The following DDX27 variants were observed in gnomAD, a reference collection of about 807,000 sequenced individuals.
DDX27 encodes DEAD-box helicase 27.
In DDX27, 42 loss-of-function variants were observed where a neutral mutation model predicts 99.3. That is an observed-to-expected ratio of 0.42 (90% CI 0.33 to 0.55). The LOEUF is 0.55. DDX27 is among the 20% of genes least tolerant of loss of function. The pLI, the probability that DDX27 is intolerant of heterozygous loss-of-function variation, is 0.07. For synonymous variants in DDX27, 329 were observed against 353.8 expected, an observed-to-expected ratio of 0.93 and a Z score of 0.79; for missense variants, 798 against 976.8, an observed-to-expected ratio of 0.82 and a Z score of 2.44.
intron 14 of DDX27, 109 bp from the exon 15 acceptor site, chr20:49,238,826 CCTCAAATTCCTGGG>C: frequency 3.5e-6 from 2 of 575,076 alleles, no homozygotes; most frequent in East Asian, 3.3e-5. Context: ...CCCAGGCTGG[CCTCAAATTCCTGGG>C]CTCAAGCAAT....
intron 9 of DDX27, among the ~76,000 whole-genome samples, chr20:49,230,667 C>T (rs1178159421): frequency 1.3e-5 from 2 of 152,202 alleles, no homozygotes; most frequent in African/African-American, 4.8e-5. Context: ...AGGACATACG[C>T]ACACCATAGT....
chr20:49,227,693 T>C (rs1258926130), intron 7 of DDX27, among the ~76,000 whole-genome samples: 2 of 152,000 alleles, frequency 1.3e-5, no homozygotes, highest in African/African-American at 4.8e-5. Flanking sequence ...TTTTGTAAGA[T>C]AAACAGTGCA....
At chr20:49,232,924 CAAAAAAA>C in intron 9 of DDX27, 1 of 116,696 alleles carries the variant, frequency 8.6e-6, no homozygotes, top group Non-Finnish European at 1.6e-5. Flanking sequence ...AACTCCATCT[CAAAAAAA>C]AAAAAAAAAA....
chr20:49,236,052 A>T lies in DDX27; in HGVS notation c.1428-98A>T. 2 of 1,234,270 alleles carry T rather than the reference A, an allele frequency of 1.6e-6. No homozygotes were observed. The highest frequency in any genetic ancestry group is 2.3e-6 in the Non-Finnish European group (2 of 884,072). 76.5% of individuals were successfully genotyped at this position (1,234,270 alleles called of 1,614,324 possible). A position where few individuals can be genotyped will look rare whatever the true frequency, so the allele number is the denominator to read the frequency against. ...GCCACCGTGCCCAGCCTCTATCCCC[A>T]TTTTAATGCCCTGTTCTGTCCTCTG... is the stretch of plus-strand genomic sequence containing the variant. On this transcript the variant is annotated intron_variant, in intron 12 of 20. Coordinates refer to ENST00000618172, the MANE Select transcript of DDX27 (RefSeq NM_017895.8). The surrounding 1 kb of genome is among the most constrained non-coding windows in gnomAD (Gnocchi z 4.1).
At position 49,236,650 on chromosome 20, in the gene DDX27, G is replaced by A. The variant is rs768563100; in HGVS notation, c.1687+140G>A. 12 of 867,182 alleles carry A rather than the reference G, an allele frequency of 1.4e-5. No individual in the cohort carries two copies. Among genetic ancestry groups the A allele is most frequent in the Non-Finnish European group, 1.8e-5 (11 of 622,938 alleles). 53.7% of individuals were successfully genotyped at this position (867,182 alleles called of 1,614,324 possible). On this transcript the variant is annotated intron_variant, in intron 14 of 20. Coordinates refer to ENST00000618172, the MANE Select transcript of DDX27 (RefSeq NM_017895.8). The surrounding 1 kb of genome is among the most constrained non-coding windows in gnomAD (Gnocchi z 4.1). ...TGCTGCTTCCTTGCCGAGTGACCAT[G>A]TGCAGGTTTCACCTCACCTCTCTGA...
At position 49,236,113 on chromosome 20, in the gene DDX27, G is replaced by A; in HGVS notation, c.1428-37G>A. 6.4e-7 allele frequency: 1 copy of A among 1,570,460 alleles called. No homozygotes were observed. The highest frequency in any genetic ancestry group is 8.7e-7 in the Non-Finnish European group (1 of 1,152,324). The stretch of plus-strand genomic sequence containing the variant: ...CTCTTGTGGAGCATTATTAGGGGAG[G>A]GTGTCTGGATGAACAGCTGTTTGTG... On this transcript the variant is annotated intron_variant, in intron 12 of 20. Coordinates refer to ENST00000618172, the MANE Select transcript of DDX27 (RefSeq NM_017895.8). The surrounding 1 kb of genome is among the most constrained non-coding windows in gnomAD (Gnocchi z 4.1).
intron 8 of DDX27, 30 bp from the exon 9 acceptor site, chr20:49,230,169 C>A: frequency 6.3e-7 from 1 of 1,587,650 alleles, no homozygotes. Flanking sequence ...GCTGACCTGG[C>A]CGCCTGGTGG....
chr20:49,233,336 G>A lies in DDX27; in HGVS notation c.1062G>A (p.Met354Ile). ...TGGATGAGTACTTTGAGGAGCAGAT[G>A]AAGGAGATCATCCGAATGTGTTCCC... is the stretch of plus-strand genomic sequence containing the variant. ...RMLDEYFEEQMKEIIRMCSHH... is the reference protein window; with the variant it reads ...RMLDEYFEEQIKEIIRMCSHH... The change falls in exon 10 of 21, where the codon ATG becomes ATA. Residue 354 changes from methionine (M) to isoleucine (I), a missense_variant. By Grantham distance (10) the Met-to-Ile change is conservative. Coordinates refer to ENST00000618172, the MANE Select transcript of DDX27 (RefSeq NM_017895.8). The A allele has an allele frequency of 6.2e-7, 1 of 1,614,076 alleles. No homozygotes were observed. The highest frequency in any genetic ancestry group is 8.5e-7 in the Non-Finnish European group (1 of 1,180,024).
At chr20:49,242,030 TG>T in intron 17 of DDX27, 43 bp downstream of exon 17, 1 of 1,613,196 alleles carries the variant, frequency 6.2e-7, no homozygotes, top group Non-Finnish European at 8.5e-7. Flanking sequence ...CTCGGTGGGG[TG>T]GGTCAGAGTG....
intron 15 of DDX27, 38 bp from the exon 16 acceptor site, chr20:49,239,198 C>A: frequency 1.9e-6 from 3 of 1,595,858 alleles, no homozygotes; most frequent in Non-Finnish European, 2.6e-6. Flanking sequence ...TTAGTAGATA[C>A]GGGTTTCACG....
At chr20:49,220,752 G>A (rs1481652884) in intron 1 of DDX27, among the ~76,000 whole-genome samples, 1 of 151,636 alleles carries the variant, frequency 6.6e-6, no homozygotes, top group South Asian at 2.1e-4. Flanking sequence ...CATGATGCGG[G>A]GTGTGTTTGT....
At chr20:49,220,889 C>A (rs1460828071) in intron 1 of DDX27, among the ~76,000 whole-genome samples, 1 of 152,266 alleles carries the variant, frequency 6.6e-6, no homozygotes, top group African/African-American at 2.4e-5. Flanking sequence ...TCAAGGTCCT[C>A]ACGATCTTGT....
At chr20:49,223,220 T>C (rs1344112567) in intron 3 of DDX27, 48 bp from the exon 4 acceptor site, 10 of 1,578,992 alleles carry the variant, frequency 6.3e-6, no homozygotes, top group Non-Finnish European at 7.7e-6. Flanking sequence ...ACTTAGGTTC[T>C]GGATTTCTAG....
chr20:49,239,026 G>T lies in DDX27; in HGVS notation c.1765G>T (p.Glu589Ter). The change falls in exon 15 of 21, where the codon GAA becomes TAA. Residue 589 changes from glutamate to a stop codon, truncating the protein, a stop_gained. Transcript: ENST00000618172. LOFTEE classifies it high-confidence loss of function. The part of the protein sequence containing the change: ...VYAVLQLEAE[E>*]KEMQQSEAQI... ...TGCAGTTCTGCAGCTAGAGGCGGAG[G>T]AAAAAGAGATGCAGCAGTCAGAAGC... The T allele has an allele frequency of 6.2e-7, 1 of 1,614,118 alleles. No individual in the cohort carries two copies.
At position 49,223,426 on chromosome 20, in the gene DDX27, C is replaced by A; in HGVS notation, c.459C>A (p.Thr153=). 3 of 1,608,814 alleles carry A rather than the reference C, an allele frequency of 1.9e-6. No individual in the cohort carries two copies. The South Asian group carries it at 3.3e-5, about 18-fold the overall frequency. The part of the protein sequence containing the change: ...DYSSADENIL[T]KADTLKVKDR... Reference sequence around the variant, plus strand: ...CATCAGCTGATGAGAACATCCTCACCAAAGCAGGTAGACGTTACGGCGGAG... The same window carrying A: ...CATCAGCTGATGAGAACATCCTCACAAAAGCAGGTAGACGTTACGGCGGAG... Residue 153 remains threonine, a synonymous_variant, in exon 4 of 21, where the codon ACC becomes ACA. Transcript: ENST00000618172.
Position 49,236,142 on chromosome 20 carries a change from G to A in DDX27, c.1428-8G>A. On this transcript the variant is annotated splice_polypyrimidine_tract_variant and splice_region_variant and intron_variant, in intron 12 of 20. Coordinates refer to ENST00000618172, the MANE Select transcript of DDX27 (RefSeq NM_017895.8). This position sits in a 1 kb window ranked among gnomAD's most constrained non-coding sequence, Gnocchi z 4.1. ...TCTGGATGAACAGCTGTTTGTGACT[G>A]TTTCTAGGCGTTTTAAGGATGAACA... 1.9e-6 allele frequency: 3 copies of A among 1,606,484 alleles called. No homozygotes were observed. The highest frequency in any genetic ancestry group is 2.5e-6 in the Non-Finnish European group (3 of 1,176,668).
intron 19 of DDX27, 33 bp downstream of exon 19, chr20:49,242,714 ATTCTTTTTTTTTTTTTT>A (rs748071308): frequency 2.2e-6 from 3 of 1,360,764 alleles, no homozygotes; most frequent in Non-Finnish European, 2.0e-6. Flanking sequence ...AGCCCTTGGT[ATTCTTTTTTTTTTTTTT>A]TTTTTTTTTG....
At chr20:49,239,158 C>G in intron 15 of DDX27, 78 bp from the exon 16 acceptor site, 1 of 1,532,306 alleles carries the variant, frequency 6.5e-7, no homozygotes, top group Non-Finnish European at 9.0e-7. Flanking sequence ...CATCAGAGCC[C>G]CAGGCATTTG....
intron 14 of DDX27, chr20:49,238,508 A>T: frequency 6.4e-6 from 1 of 157,388 alleles, no homozygotes; most frequent in Non-Finnish European, 1.4e-5. Flanking sequence ...TCTTTTGCCC[A>T]GGCTGGAGTG....
Sources: gnomAD v4.1 joint callset for allele counts (sites outside exome capture counted in the v4.1 genomes callset) on GRCh38, gnomAD v4.1.1 for gene constraint, Gnocchi (gnomAD v3.1) non-coding constraint, MANE v1.5 for transcripts, NCBI Gene and HGNC (gene_info 2026-07-23, HGNC 2026-07-21) for gene names.